Variants in TAMM41 observed in about 807,000 individuals in gnomAD.
TAMM41 encodes the protein phosphatidate cytidylyltransferase, mitochondrial.
In TAMM41, 36 loss-of-function variants were observed where a neutral mutation model predicts 44.1. The observed-to-expected ratio is 0.82, with a 90% CI of 0.63 to 1.08. The LOEUF (loss-of-function observed/expected upper bound fraction) is 1.08, where lower values mean the gene tolerates loss of function less well. Ranked by LOEUF, TAMM41 falls within the 50% of genes least tolerant of loss-of-function variation. The pLI is 0.00. For synonymous variants in TAMM41, 164 were observed against 153.1 expected (o/e 1.07, Z -0.53); for missense variants, 417 against 404.3 (o/e 1.03, Z -0.27).
chr3:11,791,782 C>T (rs2077483447), intron 7 of TAMM41, among the ~76,000 whole-genome samples: 1 of 152,140 alleles, frequency 6.6e-6, no homozygotes, highest in Non-Finnish European at 1.5e-5. Context: ...TGAATACTTC[C>T]AGACACTCTG....
At chr3:11,725,601 G>T in the TAMM41 span, among the ~76,000 whole-genome samples, 1 of 152,052 alleles carries the variant, frequency 6.6e-6, no homozygotes, top group African/African-American at 2.4e-5. Flanking sequence ...ACCATGCCCG[G>T]CTAACTTTTT....
At chr3:11,738,857 C>A in the TAMM41 span, among the ~76,000 whole-genome samples, 1 of 152,204 alleles carries the variant, frequency 6.6e-6, no homozygotes, top group Non-Finnish European at 1.5e-5. Flanking sequence ...TGTGTTTCAG[C>A]AAACTCCCGC....
the TAMM41 span, among the ~76,000 whole-genome samples, chr3:11,764,554 G>T: frequency 7.3e-6 from 1 of 137,176 alleles, no homozygotes; most frequent in Non-Finnish European, 1.5e-5. Flanking sequence ...GTTCAGTGGC[G>T]CGATCTCGGC....
intron 2 of TAMM41, among the ~76,000 whole-genome samples, chr3:11,843,168 G>C (rs1008237991): frequency 3.3e-5 from 5 of 152,130 alleles, no homozygotes; most frequent in African/African-American, 1.2e-4. Flanking sequence ...CTTCCTGGGG[G>C]TGTCTGCCCC....
chr3:11,747,996 T>C, the TAMM41 span, among the ~76,000 whole-genome samples: 1 of 149,906 alleles, frequency 6.7e-6, no homozygotes, highest in Non-Finnish European at 1.5e-5. Context: ...CACCTCAGCC[T>C]CCCGAGTAGC....
At chr3:11,842,956 G>GGA (rs1371145563) in intron 2 of TAMM41, among the ~76,000 whole-genome samples, 2 of 152,148 alleles carry the variant, frequency 1.3e-5, no homozygotes, top group Non-Finnish European at 2.9e-5. Flanking sequence ...CAGCTCTCTT[G>GGA]GAGACTGCGA....
the TAMM41 span, among the ~76,000 whole-genome samples, chr3:11,757,823 G>T: frequency 6.6e-6 from 1 of 152,178 alleles, no homozygotes; most frequent in Non-Finnish European, 1.5e-5. Flanking sequence ...ACATGTAGGC[G>T]CTGAGAGCCT....
At chr3:11,830,140 G>A (rs2078924499) in intron 3 of TAMM41, among the ~76,000 whole-genome samples, 1 of 152,174 alleles carries the variant, frequency 6.6e-6, no homozygotes, top group East Asian at 1.9e-4. Flanking sequence ...TTTAGAAAAA[G>A]AGCAAAAGTC....
intron 7 of TAMM41, among the ~76,000 whole-genome samples, chr3:11,801,353 A>AC (rs2077748844): frequency 1.3e-5 from 2 of 152,214 alleles, no homozygotes; most frequent in Admixed American, 1.3e-4. Flanking sequence ...GACCCCTGAG[A>AC]CAGGGTCTTA....
the TAMM41 span, among the ~76,000 whole-genome samples, chr3:11,753,973 C>T: frequency 5.3e-5 from 8 of 152,098 alleles, no homozygotes; most frequent in Admixed American, 2.0e-4. Context: ...GTGCAAGGGG[C>T]GGCCTCGTGT....
intron 4 of TAMM41, among the ~76,000 whole-genome samples, chr3:11,822,393 C>T (rs2078558752): frequency 6.6e-6 from 1 of 152,158 alleles, no homozygotes; most frequent in African/African-American, 2.4e-5. Flanking sequence ...AATCATCTCT[C>T]CAATCTAATA....
the TAMM41 span, among the ~76,000 whole-genome samples, chr3:11,725,995 C>T: frequency 2.0e-5 from 3 of 152,150 alleles, no homozygotes; most frequent in Non-Finnish European, 4.4e-5. Context: ...TTTTCCCTTC[C>T]ACGCCAATTG....
chr3:11,743,109 A>AG, the TAMM41 span, among the ~76,000 whole-genome samples: 4 of 152,276 alleles, frequency 2.6e-5, no homozygotes, highest in Middle Eastern at 0.01. Context: ...TCTGAAGACA[A>AG]GGATGAGAGC....
chr3:11,728,110 A>G, the TAMM41 span, among the ~76,000 whole-genome samples: 2 of 152,012 alleles, frequency 1.3e-5, no homozygotes, highest in African/African-American at 4.8e-5. Context: ...TTATAATCAC[A>G]TGTGAATCTG....
intron 4 of TAMM41, among the ~76,000 whole-genome samples, chr3:11,823,153 G>A (rs768174299): frequency 1.9e-4 from 29 of 151,840 alleles, no homozygotes; most frequent in Middle Eastern, 3.4e-3. Flanking sequence ...CTTTTCATGT[G>A]CTTACTGGCC....
At chr3:11,839,344 G>T in intron 2 of TAMM41, 30 bp from the exon 3 acceptor site, 1 of 1,367,750 alleles carries the variant, frequency 7.3e-7, no homozygotes, top group South Asian at 1.2e-5. Context: ...GCACAAAACG[G>T]AGTAAAATAC....
the TAMM41 span, among the ~76,000 whole-genome samples, chr3:11,733,697 A>G: frequency 3.3e-5 from 5 of 151,690 alleles, no homozygotes; most frequent in South Asian, 4.2e-4. Context: ...GGGTTTCACC[A>G]TGTTAGCCAG....
the TAMM41 span, among the ~76,000 whole-genome samples, chr3:11,783,578 T>C: frequency 1.3e-5 from 2 of 152,340 alleles, no homozygotes; most frequent in South Asian, 2.1e-4. Context: ...ATCAGGACGA[T>C]GTCATTTGCC....
At chr3:11,731,092 AAGTCATGTG>A in the TAMM41 span, among the ~76,000 whole-genome samples, 1 of 152,168 alleles carries the variant, frequency 6.6e-6, no homozygotes, top group African/African-American at 2.4e-5. Context: ...TCCCAGGTCA[AAGTCATGTG>A]AGCCCCTACT....
Sources: allele counts gnomAD v4.1 joint callset (sites outside exome capture counted in the v4.1 genomes callset), GRCh38; gene constraint gnomAD v4.1.1; transcripts MANE v1.5; gene names NCBI Gene and HGNC (gene_info 2026-07-23, HGNC 2026-07-21).